Variants in CPSF1 observed in about 807,000 individuals in gnomAD.
CPSF1 encodes cleavage and polyadenylation specific factor 1, also known as cleavage and polyadenylation specificity factor subunit 1.
Under a neutral mutation model 175.8 loss-of-function variants are expected in CPSF1, and 106 were observed. That is an observed-to-expected ratio of 0.60 (90% CI 0.52 to 0.71). CPSF1 has a LOEUF of 0.71. CPSF1 is among the 30% of genes least tolerant of loss of function. CPSF1 has a pLI of 0.00. For synonymous variants in CPSF1, 1,024 were observed against 858.3 expected, an observed-to-expected ratio of 1.19 and a Z score of -3.37; for missense variants, 1,734 against 2,022.9, an observed-to-expected ratio of 0.86 and a Z score of 2.74.
In CPSF1 at chr8:144,398,795, G is replaced by T; in HGVS notation, c.1622C>A (p.Pro541Gln). 1.2e-6 allele frequency: 2 copies of T among 1,601,296 alleles called. No homozygotes were observed. Among genetic ancestry groups the T allele is most frequent in the Non-Finnish European group, 1.7e-6 (2 of 1,171,344 alleles). The stretch of plus-strand genomic sequence containing the variant: ...CGCACCTACCTCCTCCTTACGCACC[G>T]GGGCGATGACTGTCCACATGTCATA... ...GCYDMWTVIA[P>Q]VRKEEEDNPK... The change falls in exon 17 of 38, where the codon CCG (proline) becomes CAG (glutamine). Residue 541 changes from proline (P) to glutamine (Q), a missense_variant. By Grantham distance (76) the Pro-to-Gln change is moderately conservative. Around this residue, in one of 10 missense-constraint regions of CPSF1, gnomAD observed 280 missense variants for 349.2 expected, o/e 0.80. Transcript: ENST00000616140.
chr8:144,402,367 G>A (rs1392128062), intron 2 of CPSF1, among the ~76,000 whole-genome samples: 1 of 152,170 alleles, frequency 6.6e-6, no homozygotes, highest in Admixed American at 6.5e-5. Context: ...AAGTGCAGTG[G>A]CGTGATCTTG....
At position 144,393,380 on chromosome 8, in the gene CPSF1, AGGGTGGGTGGGTGGGT is replaced by A. The variant is rs781827153; in HGVS notation, c.4285-31_4285-16del. On this transcript the variant is annotated splice_polypyrimidine_tract_variant and intron_variant, in intron 37 of 37. Coordinates refer to ENST00000616140, the MANE Select transcript of CPSF1 (RefSeq NM_013291.3). The stretch of plus-strand genomic sequence containing the variant: ...TCGTCCAGGATCTGCAGGGGATGGA[AGGGTGGGTGGGTGGGT>A]GGGTGGGGATGCACACGGAGGGGCG... The A allele has an allele frequency of 2.1e-4, 106 of 498,720 alleles. 2 individuals carry two copies. The highest frequency in any genetic ancestry group is 9.7e-4 in the South Asian group (51 of 52,496). The allele number at this position is 498,720 out of a possible 1,614,324, so 30.9% of individuals were successfully genotyped here.
chr8:144,395,451 T>C lies in CPSF1; in HGVS notation c.3080A>G (p.Tyr1027Cys). 1 of 1,612,636 alleles carries C rather than the reference T, an allele frequency of 6.2e-7. No homozygotes were observed. The highest frequency in any genetic ancestry group is 8.5e-7 in the Non-Finnish European group (1 of 1,179,886). Residue 1027 changes from tyrosine to cysteine, a missense_variant, in exon 27 of 38, where the codon TAC becomes TGC. Coordinates refer to ENST00000616140, the MANE Select transcript of CPSF1 (RefSeq NM_013291.3). ...GGGGCAGACCTTAGACTCCACGTGG[T>C]AAGCCACATAGTGGGCCGTGCAGCG... Reference protein sequence around the residue: ...PLRCTAHYVAYHVESKVYAVA... With the variant: ...PLRCTAHYVACHVESKVYAVA...
chr8:144,396,589 C>G lies in CPSF1; in HGVS notation c.2826+9G>C, dbSNP rs1554863833. The G allele has an allele frequency of 1.2e-6, 2 of 1,611,664 alleles. No homozygotes were observed. Among genetic ancestry groups the G allele is most frequent in the South Asian group, 2.2e-5 (2 of 91,002 alleles). On this transcript the variant is annotated intron_variant, in intron 25 of 37. Coordinates refer to ENST00000616140, the MANE Select transcript of CPSF1 (RefSeq NM_013291.3). ...TCTACCACAGACCCCTGCAAAGGCG[C>G]TGGCCTACCCCTGAGTAGCCATAAA...
chr8:144,400,189 G>A lies in CPSF1; in HGVS notation c.914C>T (p.Thr305Ile). ...ACGAAGCGGGAAAGCCGTGGTTCCT[G>A]TGGTGAGGCTGTTGAGAGCCACGCC... Reference protein sequence around the residue: ...PYGVALNSLTTGTTAFPLRTQ... With the variant: ...PYGVALNSLTIGTTAFPLRTQ... Residue 305 changes from threonine (T) to isoleucine (I), a missense_variant, in exon 9 of 38, where the codon ACA becomes ATA. Transcript: ENST00000616140. 1.9e-6 allele frequency: 3 copies of A among 1,563,140 alleles called. No individual in the cohort carries two copies. The highest frequency in any genetic ancestry group is 2.6e-6 in the Non-Finnish European group (3 of 1,160,814).
Position 144,393,884 on chromosome 8 carries a change from A to T in CPSF1, c.4014T>A (p.Phe1338Leu). The change falls in exon 35 of 38, where the codon TTT (phenylalanine) becomes TTA (leucine). Residue 1338 changes from phenylalanine (F) to leucine (L), a missense_variant and splice_region_variant. Coordinates refer to ENST00000616140, the MANE Select transcript of CPSF1 (RefSeq NM_013291.3). ...VVWENKHITW[F>L]ATLDGGIGLL... ...ACACACCTGCTCCCCCACACTCACC[A>T]AACCACGTGATGTGCTTATTCTCCC... The T allele has an allele frequency of 6.2e-7, 1 of 1,609,608 alleles. No homozygotes were observed. The highest frequency in any genetic ancestry group is 8.5e-7 in the Non-Finnish European group (1 of 1,178,348).
At position 144,400,970 on chromosome 8, in the gene CPSF1, G is replaced by A. The variant is rs1262056568; in HGVS notation, c.493C>T (p.Arg165Cys). Reference sequence around the variant, plus strand: ...TGCTCCTCAGCCAGGCTCTCCCTGCGGAAGGGCAGGACCACCAGCCGCGTG... The same window carrying A: ...TGCTCCTCAGCCAGGCTCTCCCTGCAGAAGGGCAGGACCACCAGCCGCGTG... ...YGTRLVVLPF[R>C]RESLAEEHEG... Residue 165 changes from arginine to cysteine, a missense_variant, in exon 6 of 38, where the codon CGC becomes TGC. Physicochemically the swap from Arg to Cys is radical, Grantham distance 180. Around this residue, in one of 10 missense-constraint regions of CPSF1, gnomAD observed 122 missense variants for 177.2 expected, o/e 0.69. Transcript: ENST00000616140. The A allele has an allele frequency of 2.2e-5, 35 of 1,609,552 alleles. No homozygotes were observed. Among genetic ancestry groups the A allele is most frequent in the Non-Finnish European group, 2.9e-5 (34 of 1,177,996 alleles).
At chr8:144,408,881 C>T (rs1821639743) in intron 2 of CPSF1, 134 bp downstream of exon 2, 2 of 1,058,796 alleles carry the variant, frequency 1.9e-6, no homozygotes, top group Non-Finnish European at 2.7e-6. Flanking sequence ...AGGGTCATGT[C>T]CTGGCTCCTC....
In CPSF1 at chr8:144,398,975, C is replaced by T. The variant is rs1047015324; in HGVS notation, c.1531G>A (p.Ala511Thr). ...VVCSGHGKNG[A>T]LSVLQKSIRP... ...CCACACACCTGCAGCACCGACAAAG[C>T]CCCGTTCTTCCCGTGGCCGGAGCAA... Residue 511 changes from alanine (A) to threonine (T), a missense_variant, in exon 16 of 38, where the codon GCT (alanine) becomes ACT (threonine). Ala to Thr is a moderately conservative substitution (Grantham distance 58). Coordinates refer to ENST00000616140, the MANE Select transcript of CPSF1 (RefSeq NM_013291.3). The T allele has an allele frequency of 1.9e-5, 30 of 1,612,688 alleles. No homozygotes were observed. Among genetic ancestry groups the T allele is most frequent in the Non-Finnish European group, 2.5e-5 (30 of 1,179,900 alleles).
chr8:144,402,477 G>A (rs1257541955), intron 2 of CPSF1, among the ~76,000 whole-genome samples: 2 of 152,020 alleles, frequency 1.3e-5, no homozygotes, highest in African/African-American at 2.4e-5. Flanking sequence ...GCTAATTTTT[G>A]TATTTTTAGT....
At position 144,396,880 on chromosome 8, in the gene CPSF1, G is replaced by A; in HGVS notation, c.2642C>T (p.Ser881Phe). ...LLIYEAFPHDSQLGQGNLKVR... is the reference protein window; with the variant it reads ...LLIYEAFPHDFQLGQGNLKVR... ...TTTGAGATTGCCCTGGCCGAGCTGA[G>A]AGTCGTGGGGGAAGGCCTCGTAGAT... Residue 881 changes from serine (S) to phenylalanine (F), a missense_variant, in exon 24 of 38, where the codon TCT (serine) becomes TTT (phenylalanine). This residue lies in a region of CPSF1 where 585 missense variants were observed against 584.7 expected (regional missense o/e 1.00). Transcript: ENST00000616140. 4 of 1,614,020 alleles carry A rather than the reference G, an allele frequency of 2.5e-6. No homozygotes were observed. Among genetic ancestry groups the A allele is most frequent in the Non-Finnish European group, 3.4e-6 (4 of 1,179,992 alleles).
intron 2 of CPSF1, among the ~76,000 whole-genome samples, chr8:144,405,039 C>T (rs1165256324): frequency 7.2e-6 from 1 of 138,760 alleles, no homozygotes. Flanking sequence ...AGCGAGACTC[C>T]GTCTAAAAAA....
chr8:144,401,607 T>G (rs1564695940), intron 3 of CPSF1, 39 bp downstream of exon 3: 14 of 1,612,348 alleles, frequency 8.7e-6, no homozygotes, highest in Non-Finnish European at 1.2e-5. Context: ...CAGCCATGCC[T>G]GGCACCCGCA....
chr8:144,409,043 T>C lies in CPSF1; in HGVS notation c.116A>G (p.Tyr39Cys). ...GGCGTCGCGGTTGAGGCGGTACACG[T>C]AGAGCTGCGAGGTCCCGGCCACTAC... is the stretch of plus-strand genomic sequence containing the variant. The part of the protein sequence containing the change: ...NLVVAGTSQL[Y>C]VYRLNRDAEA... Residue 39 changes from tyrosine (Y) to cysteine (C), a missense_variant, in exon 2 of 38, where the codon TAC becomes TGC. By Grantham distance (194) the Tyr-to-Cys change is radical. Transcript: ENST00000616140. 1 of 1,613,468 alleles carries C rather than the reference T, an allele frequency of 6.2e-7. No homozygotes were observed. Among genetic ancestry groups the C allele is most frequent in the African/African-American group, 1.3e-5 (1 of 75,052 alleles).
chr8:144,400,142 C>CCT lies in CPSF1; in HGVS notation c.937+23_937+24insAG, dbSNP rs1325701634. ...GGCCCAAGCCGTCCCCGGGCCCCCC[C>CCT]CGCCCCAGCCACCCCACACTCACGA... On this transcript the variant is annotated intron_variant, in intron 9 of 37. Transcript: ENST00000616140. The CCT allele has an allele frequency of 8.0e-6, 10 of 1,248,200 alleles. 1 individual carries two copies. The highest frequency in any genetic ancestry group is 5.5e-5 in the South Asian group (4 of 72,964). The allele number at this position is 1,248,200 out of a possible 1,614,324, so 77.3% of individuals were successfully genotyped here. A position where few individuals can be genotyped will look rare whatever the true frequency, so the allele number is the denominator to read the frequency against.
rs2116898621 is a variant in CPSF1 at position 144,404,522 on chromosome 8, C to T, written c.145-2849G>A. 1.1e-4 allele frequency among the ~76,000 whole-genome samples: 17 copies of T among 151,150 alleles called. No homozygotes were observed. The Middle Eastern group carries it at 0.01, about 93-fold the overall frequency. ...CTGGGACTACAAGCGCCCACCACCA[C>T]GCCTAATTTTTTTTTTTTTTGTATT... On this transcript the variant is annotated intron_variant, in intron 2 of 37. Coordinates refer to ENST00000616140, the MANE Select transcript of CPSF1 (RefSeq NM_013291.3).
Position 144,396,909 on chromosome 8 carries a change from C to A in CPSF1, c.2613G>T (p.Leu871=), listed in dbSNP as rs782624161. ...PYLLVHVDQE[L]LIYEAFPHDS... is the part of the protein sequence containing the mutation. ...CGTGGGGGAAGGCCTCGTAGATAAG[C>A]AGCTCTTGGTCCACATGCACCTGGC... is the stretch of plus-strand genomic sequence containing the variant. The change falls in exon 24 of 38, where the codon CTG becomes CTT. Residue 871 remains leucine, a synonymous_variant. Coordinates refer to ENST00000616140, the MANE Select transcript of CPSF1 (RefSeq NM_013291.3). 6.2e-7 allele frequency: 1 copy of A among 1,613,498 alleles called. No individual in the cohort carries two copies. The highest frequency in any genetic ancestry group is 2.2e-5 in the East Asian group (1 of 44,870).
In CPSF1 at chr8:144,400,924, C is replaced by A. The variant is rs1012998999; in HGVS notation, c.539G>T (p.Gly180Val). The change falls in exon 6 of 38, where the codon GGG becomes GTG. Residue 180 changes from glycine to valine, a missense_variant and splice_region_variant. Around this residue, in one of 10 missense-constraint regions of CPSF1, gnomAD observed 122 missense variants for 177.2 expected, o/e 0.69. Coordinates refer to ENST00000616140, the MANE Select transcript of CPSF1 (RefSeq NM_013291.3). ...AEEHEGLVGE[G>V]QRSSFLPSYI... ...ACAGCCTGCCTCAGCTGGCACTCAC[C>A]CCTCACCCACGAGCCCCTCGTGCTC... 1 of 1,603,350 alleles carries A rather than the reference C, an allele frequency of 6.2e-7. No individual in the cohort carries two copies. Among genetic ancestry groups the A allele is most frequent in the Non-Finnish European group, 8.5e-7 (1 of 1,174,484 alleles).
In CPSF1 at chr8:144,398,655, G is replaced by C; in HGVS notation, c.1639-17C>G. 6.2e-7 allele frequency: 1 copy of C among 1,612,908 alleles called. No homozygotes were observed. Among genetic ancestry groups the C allele is most frequent in the East Asian group, 2.2e-5 (1 of 44,864 alleles). On this transcript the variant is annotated splice_polypyrimidine_tract_variant and intron_variant, in intron 17 of 37. Transcript: ENST00000616140. ...ATTGTCCTCCTGTCAGGGCCAAAGG[G>C]GGGCAGGCTGGAAGCCACAGTCCAG...
Sources: allele counts gnomAD v4.1 joint callset (sites outside exome capture counted in the v4.1 genomes callset), GRCh38; gene constraint gnomAD v4.1.1; regional missense constraint gnomAD v4.1.1; transcripts MANE v1.5; gene names NCBI Gene and HGNC (gene_info 2026-07-23, HGNC 2026-07-21).